The following EML4 variants were observed in gnomAD, a reference collection of about 807,000 sequenced individuals.
The protein encoded by EML4 is EMAP like 4.
EML4 carries 72 observed loss-of-function variants against 129.0 expected under a neutral mutation model. The observed-to-expected ratio is 0.56, with a 90% CI of 0.46 to 0.68. EML4 has a LOEUF of 0.68. EML4 is among the 30% of genes least tolerant of loss of function. EML4 has a pLI of 0.00. For synonymous variants in EML4, 532 were observed against 405.0 expected, an observed-to-expected ratio of 1.31 and a Z score of -3.77; for missense variants, 1,363 against 1,190.6, an observed-to-expected ratio of 1.14 and a Z score of -2.13.
intron 1 of EML4, among the ~76,000 whole-genome samples, chr2:42,199,137 A>G (rs747551964): frequency 3.3e-5 from 5 of 152,184 alleles, no homozygotes; most frequent in East Asian, 1.9e-4. Context: ...GTGATGGGGA[A>G]TAGGAGTGAA....
intron 22 of EML4, among the ~76,000 whole-genome samples, chr2:42,329,529 C>G (rs1332420272): frequency 6.6e-6 from 1 of 152,030 alleles, no homozygotes; most frequent in African/African-American, 2.4e-5. Flanking sequence ...ATGTCCAATT[C>G]TTCTGTTTCG....
chr2:42,273,317 A>G (rs1230278707), intron 6 of EML4, among the ~76,000 whole-genome samples: 1 of 152,166 alleles, frequency 6.6e-6, no homozygotes, highest in Non-Finnish European at 1.5e-5. Flanking sequence ...TTTCTTTTCC[A>G]TCTTTTCCCA....
At position 42,187,561 on chromosome 2, in the gene EML4, GC is replaced by G. The variant is rs1369960137; in HGVS notation, c.25+17926del. ...GACATTTCAGTTGCTATTAGTTTTG[GC>G]TGTTACGAATAAAGCTGCAGTGAAC... On this transcript the variant is annotated intron_variant, in intron 1 of 22. Transcript: ENST00000318522. Among the ~76,000 whole-genome samples, 3 of 152,120 alleles carry G rather than the reference GC, an allele frequency of 2.0e-5. No individual in the cohort carries two copies. The East Asian group carries it at 5.8e-4, about 29-fold the overall frequency.
intron 2 of EML4, among the ~76,000 whole-genome samples, chr2:42,251,958 A>G (rs1398745702): frequency 2.6e-5 from 4 of 152,256 alleles, no homozygotes; most frequent in African/African-American, 4.8e-5. Flanking sequence ...AGGCTAGCTG[A>G]GAAACAATTT....
intron 6 of EML4, among the ~76,000 whole-genome samples, chr2:42,274,029 G>A (rs1666519814): frequency 6.6e-6 from 1 of 152,088 alleles, no homozygotes; most frequent in South Asian, 2.1e-4. Flanking sequence ...AATGGTCCTT[G>A]TCACTTTCTA....
At chr2:42,287,509 C>T (rs6544532) in intron 10 of EML4, among the ~76,000 whole-genome samples, 84,069 of 151,952 alleles carry the variant, frequency 0.55, 23,781 homozygotes, top group East Asian at 0.74. Flanking sequence ...CTCTGCCCTT[C>T]CTCAGTGCCT....
intron 1 of EML4, among the ~76,000 whole-genome samples, chr2:42,237,675 T>A (rs1028768352): frequency 1.3e-4 from 20 of 152,204 alleles, no homozygotes; most frequent in African/African-American, 4.8e-4. Flanking sequence ...ATTCACATAT[T>A]TTTGTGTATT....
chr2:42,314,166 C>G (rs1342601549), intron 17 of EML4, among the ~76,000 whole-genome samples: 1 of 152,136 alleles, frequency 6.6e-6, no homozygotes, highest in African/African-American at 2.4e-5. Flanking sequence ...CGAGACCAGC[C>G]TGGCCAACAT....
chr2:42,231,155 G>T (rs151149285), intron 1 of EML4, among the ~76,000 whole-genome samples: 3 of 152,216 alleles, frequency 2.0e-5, no homozygotes, highest in Non-Finnish European at 2.9e-5. Flanking sequence ...AACTTCTCTG[G>T]TAAAGATTCC....
In EML4 at chr2:42,288,275, C is replaced by A; in HGVS notation, c.1171C>A (p.Leu391Ile). ...TATTGATGACTCCAATGAGCATATG[C>A]TTACTGTATGGGACTGGCAGAAGAA... ...CIIDDSNEHMLTVWDWQKKAK... is the reference protein window; with the variant it reads ...CIIDDSNEHMITVWDWQKKAK... Residue 391 changes from leucine (L) to isoleucine (I), a missense_variant, in exon 11 of 23, where the codon CTT (leucine) becomes ATT (isoleucine). Leu to Ile is a conservative substitution (Grantham distance 5, BLOSUM62 2). Transcript: ENST00000318522. 1 of 1,575,488 alleles carries A rather than the reference C, an allele frequency of 6.3e-7. No homozygotes were observed. Among genetic ancestry groups the A allele is most frequent in the Non-Finnish European group, 8.7e-7 (1 of 1,150,062 alleles).
At chr2:42,193,105 G>A (rs1343861914) in intron 1 of EML4, among the ~76,000 whole-genome samples, 1 of 152,134 alleles carries the variant, frequency 6.6e-6, no homozygotes, top group Non-Finnish European at 1.5e-5. Flanking sequence ...ATTTCCATAA[G>A]ATTTTAATAC....
At chr2:42,309,375 G>A (rs1233949287) in intron 17 of EML4, among the ~76,000 whole-genome samples, 1 of 148,248 alleles carries the variant, frequency 6.7e-6, no homozygotes, top group East Asian at 2.0e-4. Context: ...TGGCACCACT[G>A]CACTCCAGCC....
At chr2:42,199,459 A>G (rs1183079629) in intron 1 of EML4, among the ~76,000 whole-genome samples, 1 of 152,256 alleles carries the variant, frequency 6.6e-6, no homozygotes, top group Non-Finnish European at 1.5e-5. Flanking sequence ...GATCCTAGTT[A>G]TAAGTAAAGG....
chr2:42,280,713 A>G, intron 6 of EML4, 137 bp from the exon 7 acceptor site: 1 of 651,070 alleles, frequency 1.5e-6, no homozygotes, highest in Non-Finnish European at 2.5e-6. Flanking sequence ...ATATAACAAA[A>G]ACAATTGTAT....
At chr2:42,312,646 C>T (rs1396586086) in intron 17 of EML4, among the ~76,000 whole-genome samples, 2 of 151,704 alleles carry the variant, frequency 1.3e-5, no homozygotes, top group Admixed American at 6.6e-5. Flanking sequence ...CTCCACCTCC[C>T]GGGTTTAAAT....
At position 42,326,057 on chromosome 2, in the gene EML4, A is replaced by T. The variant is rs1223498106; in HGVS notation, c.2243-97A>T. 3 of 1,496,666 alleles carry T rather than the reference A, an allele frequency of 2.0e-6. No individual in the cohort carries two copies. In the African/African-American group the frequency reaches 4.2e-5, roughly 21 times the overall value. The allele number at this position is 1,496,666 out of a possible 1,614,324, so 92.7% of individuals were successfully genotyped here. ...TAATGTTTTTCAGTGTATGGATTAT[A>T]AATACAAGTAAACGTGGCTAGTTTG... On this transcript the variant is annotated intron_variant, in intron 20 of 22. Coordinates refer to ENST00000318522, the MANE Select transcript of EML4 (RefSeq NM_019063.5).
At chr2:42,297,809 G>C (rs1046694102) in intron 13 of EML4, among the ~76,000 whole-genome samples, 1 of 152,186 alleles carries the variant, frequency 6.6e-6, no homozygotes, top group Non-Finnish European at 1.5e-5. Flanking sequence ...GATGGCAGAA[G>C]TATAATTTCA....
intron 8 of EML4, among the ~76,000 whole-genome samples, chr2:42,283,812 G>A (rs961871880): frequency 2.0e-5 from 3 of 152,190 alleles, no homozygotes; most frequent in Non-Finnish European, 2.9e-5. Context: ...GGGGACTACT[G>A]GTGAGGTTGT....
chr2:42,187,551 A>G lies in EML4; in HGVS notation c.25+17915A>G, dbSNP rs909673619. ...CTAGATGATGGACATTTCAGTTGCT[A>G]TTAGTTTTGGCTGTTACGAATAAAG... On this transcript the variant is annotated intron_variant, in intron 1 of 22. Transcript: ENST00000318522. Among the ~76,000 whole-genome samples, 9 of 152,164 alleles carry G rather than the reference A, an allele frequency of 5.9e-5. No individual in the cohort carries two copies. In the East Asian group the frequency reaches 1.2e-3, roughly 20 times the overall value.
Sources: gnomAD v4.1 joint callset for allele counts (sites outside exome capture counted in the v4.1 genomes callset) on GRCh38, gnomAD v4.1.1 for gene constraint, MANE v1.5 for transcripts, NCBI Gene and HGNC (gene_info 2026-07-23, HGNC 2026-07-21) for gene names.